CNTNAP2: variants seen among roughly 807,000 people sequenced by gnomAD.
The protein encoded by CNTNAP2 is contactin-associated protein-like 2.
Under a neutral mutation model 155.2 loss-of-function variants are expected in CNTNAP2, and 98 were observed. The observed-to-expected ratio is 0.63, with a 90% confidence interval of 0.54 to 0.75. The LOEUF is 0.75. Among genes scored for constraint, CNTNAP2 ranks in the 30% least tolerant of loss-of-function variants. CNTNAP2 has a pLI of 0.00. For synonymous variants in CNTNAP2, 651 were observed against 631.2 expected, an observed-to-expected ratio of 1.03 and a Z score of -0.47; for missense variants, 1,727 against 1,688.1, an observed-to-expected ratio of 1.02 and a Z score of -0.40.
At chr7:148,037,874 C>T (rs2527059) in intron 15 of CNTNAP2, among the ~76,000 whole-genome samples, 54,316 of 151,990 alleles carry the variant, frequency 0.36, 10,425 homozygotes, top group East Asian at 0.75. Flanking sequence ...GGTGGGACAG[C>T]GATCCATGTT....
chr7:146,639,650 G>A (rs551529322), intron 1 of CNTNAP2, among the ~76,000 whole-genome samples: 7 of 152,330 alleles, frequency 4.6e-5, no homozygotes, highest in Admixed American at 1.3e-4. Flanking sequence ...GAGTGGAGTT[G>A]ATCTGAGTAT....
At chr7:146,972,164 A>G (rs1797813867) in intron 3 of CNTNAP2, among the ~76,000 whole-genome samples, 1 of 152,180 alleles carries the variant, frequency 6.6e-6, no homozygotes, top group Non-Finnish European at 1.5e-5. Context: ...TACTAAATGA[A>G]TTAGCACACA....
chr7:147,569,808 C>G (rs1800249413), intron 12 of CNTNAP2, among the ~76,000 whole-genome samples: 1 of 152,218 alleles, frequency 6.6e-6, no homozygotes, highest in Non-Finnish European at 1.5e-5. Flanking sequence ...TTCTGTGTGT[C>G]AAGGCACAGG....
At chr7:147,532,449 A>C (rs1300173680) in intron 11 of CNTNAP2, among the ~76,000 whole-genome samples, 1 of 152,164 alleles carries the variant, frequency 6.6e-6, no homozygotes, top group Non-Finnish European at 1.5e-5. Flanking sequence ...CCATTCAACA[A>C]GTCTCTAGGA....
At chr7:146,738,866 TTGGTAGA>T in intron 1 of CNTNAP2, among the ~76,000 whole-genome samples, 1 of 151,558 alleles carries the variant, frequency 6.6e-6, no homozygotes, top group Non-Finnish European at 1.5e-5. Flanking sequence ...TAATTCACTC[TTGGTAGA>T]TGGTGTATAT....
chr7:147,316,200 C>T (rs1379557289), intron 9 of CNTNAP2, among the ~76,000 whole-genome samples: 1 of 151,954 alleles, frequency 6.6e-6, no homozygotes, highest in African/African-American at 2.4e-5. Context: ...TGGGTGATCT[C>T]AATGCTTGTC....
intron 10 of CNTNAP2, among the ~76,000 whole-genome samples, chr7:147,397,944 A>T (rs58935552): frequency 0.064 from 9,673 of 151,984 alleles, 600 homozygotes; most frequent in East Asian, 0.32. Flanking sequence ...TAAACCCATT[A>T]TGGGACCTAT....
intron 3 of CNTNAP2, among the ~76,000 whole-genome samples, chr7:146,974,826 C>T (rs2129234730): frequency 6.6e-6 from 1 of 151,964 alleles, no homozygotes; most frequent in African/African-American, 2.4e-5. Flanking sequence ...TGGTGAAATC[C>T]CATCTCTACT....
At chr7:147,920,431 C>A (rs1005977172) in intron 14 of CNTNAP2, among the ~76,000 whole-genome samples, 1 of 151,202 alleles carries the variant, frequency 6.6e-6, no homozygotes, top group Non-Finnish European at 1.5e-5. Context: ...GCCTGTCCAT[C>A]ACTTGCTGAT....
intron 13 of CNTNAP2, among the ~76,000 whole-genome samples, chr7:147,779,553 A>AT (rs1477979864): frequency 6.6e-6 from 1 of 152,150 alleles, no homozygotes; most frequent in Non-Finnish European, 1.5e-5. Flanking sequence ...ATGTAATCTC[A>AT]TTTTTTCAAG....
chr7:146,746,496 T>G (rs1442844504), intron 1 of CNTNAP2, among the ~76,000 whole-genome samples: 1 of 152,124 alleles, frequency 6.6e-6, no homozygotes, highest in Non-Finnish European at 1.5e-5. Context: ...CAGTCCTTAG[T>G]CTCACAAGAT....
At chr7:147,175,220 T>A (rs946629318) in intron 8 of CNTNAP2, among the ~76,000 whole-genome samples, 3 of 151,930 alleles carry the variant, frequency 2.0e-5, no homozygotes, top group Admixed American at 6.6e-5. Flanking sequence ...AAGGATTTCA[T>A]CTAATCAATT....
At chr7:147,981,691 G>T (rs772500484) in intron 15 of CNTNAP2, among the ~76,000 whole-genome samples, 1 of 151,988 alleles carries the variant, frequency 6.6e-6, no homozygotes, top group Non-Finnish European at 1.5e-5. Flanking sequence ...TCTGAACTCA[G>T]ACCCATATAA....
At chr7:147,736,651 A>G (rs1796851431) in intron 13 of CNTNAP2, among the ~76,000 whole-genome samples, 1 of 152,184 alleles carries the variant, frequency 6.6e-6, no homozygotes, top group Admixed American at 6.5e-5. Context: ...CGTCACTTTC[A>G]GGTACACCAA....
At position 146,700,894 on chromosome 7, in the gene CNTNAP2, G is replaced by A. The variant is rs1800865566; in HGVS notation, c.98-73377G>A. Among the ~76,000 whole-genome samples, 3 of 152,068 alleles carry A rather than the reference G, an allele frequency of 2.0e-5. No homozygotes were observed. In the South Asian group the frequency reaches 6.2e-4, roughly 31 times the overall value. On this transcript the variant is annotated intron_variant, in intron 1 of 23. Coordinates refer to ENST00000361727, the MANE Select transcript of CNTNAP2 (RefSeq NM_014141.6). ...CTGCAGACTCAATATATATTTGCAA[G>A]CCAACAAAGGATAAGAATCCCAAGG...
rs142433060 is a variant in CNTNAP2, at chr7:146,748,466, G to A, written c.98-25805G>A. On this transcript the variant is annotated intron_variant, in intron 1 of 23. Coordinates refer to ENST00000361727, the MANE Select transcript of CNTNAP2 (RefSeq NM_014141.6). ...GGCCCCAAATCTATATGGTTTTTAA[G>A]GATCTTTGCTGGGGATTCAAAGCCT... Among the ~76,000 whole-genome samples the A allele has an allele frequency of 4.0e-3, 616 of 152,110 alleles. 14 individuals carry two copies. The highest frequency in any genetic ancestry group is 0.03 in the East Asian group (153 of 5,166).
chr7:147,152,650 C>T (rs1343778263), intron 8 of CNTNAP2, among the ~76,000 whole-genome samples: 3 of 151,962 alleles, frequency 2.0e-5, no homozygotes, highest in Non-Finnish European at 4.4e-5. Flanking sequence ...CATAAAGGAA[C>T]ATTTAGCTTA....
At chr7:147,921,058 C>T (rs1398802482) in intron 14 of CNTNAP2, among the ~76,000 whole-genome samples, 1 of 152,058 alleles carries the variant, frequency 6.6e-6, no homozygotes, top group Non-Finnish European at 1.5e-5. Context: ...ATCTGCCCAC[C>T]TCGGCCTCCC....
chr7:147,215,928 C>T lies in CNTNAP2; in HGVS notation c.1348+83419C>T, dbSNP rs184055791. 2.7e-3 allele frequency among the ~76,000 whole-genome samples: 405 copies of T among 152,046 alleles called. 1 individual carries two copies. Among genetic ancestry groups the T allele is most frequent in the African/African-American group, 9.1e-3 (378 of 41,492 alleles). On this transcript the variant is annotated intron_variant, in intron 8 of 23. Coordinates refer to ENST00000361727, the MANE Select transcript of CNTNAP2 (RefSeq NM_014141.6). ...TCATTGTTGTTTTAATTTGTAGTTC[C>T]CTGATGACATATGATGTAGAACATC...
Sources: allele counts gnomAD v4.1 joint callset (sites outside exome capture counted in the v4.1 genomes callset), GRCh38; gene constraint gnomAD v4.1.1; transcripts MANE v1.5; gene names NCBI Gene and HGNC (gene_info 2026-07-23, HGNC 2026-07-21).